The following CUX1 variants were observed in gnomAD, a reference collection of about 807,000 sequenced individuals.
CUX1 encodes cut like homeobox 1.
CUX1 carries 31 observed loss-of-function variants against 158.8 expected under a neutral mutation model. The ratio of observed to expected loss-of-function variants is 0.20; its 90% confidence interval spans 0.15 to 0.26. CUX1 has a LOEUF of 0.26. Ranked by LOEUF, CUX1 falls within the 10% of genes least tolerant of loss-of-function variation. The pLI, the probability that CUX1 is intolerant of heterozygous loss-of-function variation, is 1.00. For synonymous variants in CUX1, 879 were observed against 862.1 expected (o/e 1.02, Z -0.34); for missense variants, 1,589 against 2,014.6 (o/e 0.79, Z 4.04).
rs993218997 is a variant in CUX1, at chr7:102,257,655, G to T, written c.*8613G>T. 1.0e-6 allele frequency: 1 copy of T among 985,290 alleles called. No individual in the cohort carries two copies. 61.0% of individuals were successfully genotyped at this position (985,290 alleles called of 1,614,324 possible). Reference sequence around the variant, plus strand: ...GTCCAGACTACTAACAGCACAAGACGCACTCACAGGGTGGCGGAATCTTCC... The same window carrying T: ...GTCCAGACTACTAACAGCACAAGACTCACTCACAGGGTGGCGGAATCTTCC... On this transcript the variant is annotated 3_prime_UTR_variant, in exon 24 of 24. Coordinates refer to ENST00000292535, the MANE Select transcript of CUX1 (RefSeq NM_181552.4).
At chr7:101,991,879 T>C (rs1020430456) in intron 2 of CUX1, among the ~76,000 whole-genome samples, 5 of 151,514 alleles carry the variant, frequency 3.3e-5, no homozygotes, top group Non-Finnish European at 7.4e-5. Context: ...CTGGGCAACA[T>C]AGCAAGACCT....
At chr7:102,091,998 C>T (rs938920635) in intron 4 of CUX1, among the ~76,000 whole-genome samples, 7 of 152,218 alleles carry the variant, frequency 4.6e-5, no homozygotes, top group South Asian at 2.1e-4. Flanking sequence ...TCAGGTGATC[C>T]ACCTGCCTTG....
chr7:101,909,265 C>T (rs1025414737), intron 1 of CUX1, among the ~76,000 whole-genome samples: 17 of 140,900 alleles, frequency 1.2e-4, no homozygotes, highest in Non-Finnish European at 2.2e-4. Flanking sequence ...TTTGGGAGGC[C>T]GAGGCGGGAG....
chr7:102,086,771 T>C (rs939374927), intron 4 of CUX1, among the ~76,000 whole-genome samples: 20 of 152,126 alleles, frequency 1.3e-4, no homozygotes, highest in African/African-American at 4.6e-4. Context: ...ATTTTTCTTT[T>C]TTCTTTCAGT....
chr7:102,221,905 G>A (rs1554527066), intron 20 of CUX1, among the ~76,000 whole-genome samples: 1 of 152,076 alleles, frequency 6.6e-6, no homozygotes, highest in Admixed American at 6.6e-5. Context: ...AGGGTCCTTG[G>A]AAGCGAGGTT....
intron 8 of CUX1, among the ~76,000 whole-genome samples, chr7:102,137,178 C>T (rs6950791): frequency 0.64 from 96,944 of 152,072 alleles, 32,618 homozygotes; most frequent in African/African-American, 0.82. Flanking sequence ...GCCTGTGTCC[C>T]TTTCCATGTT....
intron 2 of CUX1, among the ~76,000 whole-genome samples, chr7:102,018,155 G>C (rs10238478): frequency 0.42 from 64,350 of 151,782 alleles, 14,269 homozygotes; most frequent in Non-Finnish European, 0.46. Flanking sequence ...GAGCAGGAGT[G>C]TCCCTATCTT....
At chr7:101,917,002 C>T (rs1022782484) in intron 2 of CUX1, among the ~76,000 whole-genome samples, 7 of 152,184 alleles carry the variant, frequency 4.6e-5, no homozygotes, top group Admixed American at 1.3e-4. Context: ...GTCCCCATGG[C>T]GCTCATCCCG....
At chr7:102,024,096 G>A (rs151186517) in intron 2 of CUX1, among the ~76,000 whole-genome samples, 1,572 of 152,342 alleles carry the variant, frequency 0.01, 27 homozygotes, top group African/African-American at 0.036. Flanking sequence ...GGCTGGCCCT[G>A]TGCCAGGTTG....
chr7:102,055,503 G>A (rs1482199999), intron 3 of CUX1, among the ~76,000 whole-genome samples: 2 of 152,088 alleles, frequency 1.3e-5, no homozygotes, highest in Admixed American at 6.6e-5. Flanking sequence ...CAGTCAGGGA[G>A]CTTTGATATT....
chr7:102,240,734 C>G (rs1800107935), intron 23 of CUX1, among the ~76,000 whole-genome samples: 2 of 152,216 alleles, frequency 1.3e-5, no homozygotes, highest in African/African-American at 4.8e-5. Flanking sequence ...ATCTCAGATT[C>G]TGAGCTAAGT....
intron 6 of CUX1, among the ~76,000 whole-genome samples, chr7:102,109,146 A>T (rs1554489391): frequency 2.0e-5 from 3 of 152,204 alleles, no homozygotes; most frequent in Non-Finnish European, 4.4e-5. Context: ...TATTAATATG[A>T]CTATATAAAA....
intron 10 of CUX1, among the ~76,000 whole-genome samples, chr7:102,171,265 A>G (rs1791686716): frequency 3.3e-5 from 5 of 152,104 alleles, no homozygotes; most frequent in Admixed American, 1.3e-4. Flanking sequence ...ATGGGGACAA[A>G]GGAGCTTAAC....
intron 2 of CUX1, among the ~76,000 whole-genome samples, chr7:101,949,015 A>G (rs1458593556): frequency 6.6e-6 from 1 of 152,226 alleles, no homozygotes; most frequent in Non-Finnish European, 1.5e-5. Flanking sequence ...TGACGGTGAC[A>G]TCCAAGTGGC....
chr7:101,939,259 A>C (rs1214474403), intron 2 of CUX1, among the ~76,000 whole-genome samples: 1 of 151,566 alleles, frequency 6.6e-6, no homozygotes, highest in Non-Finnish European at 1.5e-5. Flanking sequence ...ATCATACCAT[A>C]TGCAGTCTTC....
At chr7:102,136,181 T>G (rs561256795) in intron 8 of CUX1, among the ~76,000 whole-genome samples, 16 of 152,134 alleles carry the variant, frequency 1.1e-4, no homozygotes, top group Non-Finnish European at 1.9e-4. Context: ...TAAATACATA[T>G]AGCTCTGGAT....
chr7:102,118,452 C>T (rs1831664417), intron 8 of CUX1, among the ~76,000 whole-genome samples: 2 of 152,124 alleles, frequency 1.3e-5, no homozygotes, highest in Non-Finnish European at 2.9e-5. Flanking sequence ...GTGGGAGGAT[C>T]GCTTGAGCCC....
chr7:102,117,026 G>C (rs1054614166), intron 8 of CUX1, among the ~76,000 whole-genome samples: 2 of 152,194 alleles, frequency 1.3e-5, no homozygotes, highest in African/African-American at 4.8e-5. Context: ...CTGCAATCAA[G>C]GGGACAGGGC....
chr7:101,968,336 C>G (rs1217897272), intron 2 of CUX1, among the ~76,000 whole-genome samples: 1 of 152,026 alleles, frequency 6.6e-6, no homozygotes, highest in Non-Finnish European at 1.5e-5. Context: ...CAGGTGGGTC[C>G]CCTGGACAAC....
Sources: gnomAD v4.1 joint callset for allele counts (sites outside exome capture counted in the v4.1 genomes callset) on GRCh38, gnomAD v4.1.1 for gene constraint, MANE v1.5 for transcripts, NCBI Gene and HGNC (gene_info 2026-07-23, HGNC 2026-07-21) for gene names.